Variants in IGDCC4 observed in about 807,000 individuals in gnomAD.
IGDCC4 encodes likely ortholog of mouse neighbor of Punc E11.
IGDCC4 carries 72 observed loss-of-function variants against 116.6 expected under a neutral mutation model. That is an observed-to-expected ratio of 0.62 (90% CI 0.51 to 0.75). IGDCC4 has a LOEUF of 0.75. IGDCC4 is among the 30% of genes least tolerant of loss of function. The pLI is 0.00. For synonymous variants in IGDCC4, 709 were observed against 719.9 expected (o/e 0.98, Z 0.24); for missense variants, 1,501 against 1,662.4 (o/e 0.90, Z 1.69).
rs372076866 is a variant in IGDCC4, at chr15:65,410,304, G to C, written c.437C>G (p.Ser146Cys). The C allele has an allele frequency of 1.2e-5, 20 of 1,613,942 alleles. No individual in the cohort carries two copies. The African/African-American group carries it at 2.3e-4, about 18-fold the overall frequency. The change falls in exon 3 of 20, where the codon TCT becomes TGT. Residue 146 changes from serine (S) to cysteine (C), a missense_variant. Ser to Cys is a moderately radical substitution (Grantham distance 112, BLOSUM62 -1). This residue lies in a region of IGDCC4 where 898 missense variants were observed against 978.9 expected (regional missense o/e 0.92). Transcript: ENST00000352385. ...VVKLATLADF[S>C]LHPESQTVEE... ...CACCGTCTGAGACTCCGGGTGCAGAGAGAAGTCTGCGAGTGCTGGGGACAG... is the reference window on the plus strand; with the variant it reads ...CACCGTCTGAGACTCCGGGTGCAGACAGAAGTCTGCGAGTGCTGGGGACAG...
At chr15:65,388,338 C>T (rs2091480564) in intron 16 of IGDCC4, 111 bp downstream of exon 16, 14 of 1,441,090 alleles carry the variant, frequency 9.7e-6, no homozygotes, top group Non-Finnish European at 1.3e-5. Context: ...ATTTGCTCTG[C>T]CCCCACCAAA....
chr15:65,402,597 A>ATG (rs2062999395), intron 3 of IGDCC4, 110 bp from the exon 4 acceptor site: 14 of 1,383,896 alleles, frequency 1.0e-5, no homozygotes, highest in South Asian at 9.9e-5. Context: ...GGCTGGGCGC[A>ATG]GTGGCTCACG....
intron 3 of IGDCC4, among the ~76,000 whole-genome samples, chr15:65,406,397 C>G (rs531849154): frequency 2.3e-4 from 35 of 152,306 alleles, no homozygotes; most frequent in South Asian, 6.2e-4. Flanking sequence ...AAACATTGCT[C>G]TCATTGATTA....
At chr15:65,420,691 A>G (rs1216728970) in intron 1 of IGDCC4, among the ~76,000 whole-genome samples, 2 of 151,612 alleles carry the variant, frequency 1.3e-5, no homozygotes, top group African/African-American at 4.9e-5. Context: ...TAATCCAATG[A>G]TCTCAACTAA....
Position 65,411,228 on chromosome 15 carries a change from G to A in IGDCC4, c.213C>T (p.Thr71=). ...GCAGGGTGTCCCCATCCTTGCTCCA[G>A]GTCACCCTGGTGGGGGGTCCAGCGG... The part of the protein sequence containing the change: ...AAAAGPPTRV[T]WSKDGDTLLE... Residue 71 remains threonine (T), a synonymous_variant, in exon 2 of 20, where the codon ACC becomes ACT. Transcript: ENST00000352385. The A allele has an allele frequency of 6.2e-7, 1 of 1,614,182 alleles. No individual in the cohort carries two copies. Among genetic ancestry groups the A allele is most frequent in the Non-Finnish European group, 8.5e-7 (1 of 1,180,026 alleles).
Position 65,392,340 on chromosome 15 carries a change from T to A in IGDCC4, c.1916A>T (p.Gln639Leu), listed in dbSNP as rs377358616. 8 of 1,561,090 alleles carry A rather than the reference T, an allele frequency of 5.1e-6. No individual in the cohort carries two copies. The highest frequency in any genetic ancestry group is 7.0e-6 in the Non-Finnish European group (8 of 1,150,268). ...CACGACCAGGGACTCCATCTTTGCC[T>A]GCACCTTCAACTCTGCAGGGGCAAA... ...VPFAPAELKV[Q>L]AKMESLVVSW... is the part of the protein sequence containing the mutation. Residue 639 changes from glutamine (Q) to leucine (L), a missense_variant, in exon 11 of 20, where the codon CAG (glutamine) becomes CTG (leucine). Coordinates refer to ENST00000352385, the MANE Select transcript of IGDCC4 (RefSeq NM_020962.3).
chr15:65,398,949 T>A (rs1372872821), intron 5 of IGDCC4, among the ~76,000 whole-genome samples: 1 of 152,148 alleles, frequency 6.6e-6, no homozygotes, highest in African/African-American at 2.4e-5. Flanking sequence ...CCTGACTTAG[T>A]GGAGTAAGTT....
chr15:65,385,816 G>T lies in IGDCC4; in HGVS notation c.3180+15C>A. On this transcript the variant is annotated intron_variant, in intron 18 of 19. Coordinates refer to ENST00000352385, the MANE Select transcript of IGDCC4 (RefSeq NM_020962.3). ...CCTATTTAGAAAAGAGCCGCAATGTGGGGCTCTGACTTACCTTTCTTTTGG... is the reference window on the plus strand; with the variant it reads ...CCTATTTAGAAAAGAGCCGCAATGTTGGGCTCTGACTTACCTTTCTTTTGG... The T allele has an allele frequency of 6.3e-7, 1 of 1,598,884 alleles. No homozygotes were observed. Among genetic ancestry groups the T allele is most frequent in the South Asian group, 1.1e-5 (1 of 90,736 alleles).
In IGDCC4 at chr15:65,395,733, G is replaced by T; in HGVS notation, c.1411+17C>A. 1.4e-6 allele frequency: 2 copies of T among 1,425,960 alleles called. No homozygotes were observed. The highest frequency in any genetic ancestry group is 1.8e-6 in the Non-Finnish European group (2 of 1,084,466). The allele number at this position is 1,425,960 out of a possible 1,614,324, so 88.3% of individuals were successfully genotyped here. ...GCCCGGGCCTGCGCTGGTGCATCCC[G>T]CCCCAGGCCGACGTACCCCGTGCCT... On this transcript the variant is annotated intron_variant, in intron 7 of 19. Coordinates refer to ENST00000352385, the MANE Select transcript of IGDCC4 (RefSeq NM_020962.3).
intron 3 of IGDCC4, among the ~76,000 whole-genome samples, chr15:65,405,856 G>T (rs1300025995): frequency 2.0e-5 from 3 of 152,174 alleles, no homozygotes; most frequent in Non-Finnish European, 2.9e-5. Context: ...TCTTTTTCCA[G>T]CCTCAAACCT....
rs530608258 is a variant in IGDCC4 at position 65,382,960 on chromosome 15, A to C, written c.*1049T>G. 1 of 152,244 alleles carries C rather than the reference A, an allele frequency of 6.6e-6. No individual in the cohort carries two copies. The highest frequency in any genetic ancestry group is 1.5e-5 in the Non-Finnish European group (1 of 68,056). The allele number at this position is 152,244 out of a possible 1,614,324, so 9.4% of individuals were successfully genotyped here. Reference sequence around the variant, plus strand: ...TCCCCTCTATGACTTGGATCCATCCATGGAGAACCCTTGGATCCCAATCCC... The same window carrying C: ...TCCCCTCTATGACTTGGATCCATCCCTGGAGAACCCTTGGATCCCAATCCC... On this transcript the variant is annotated 3_prime_UTR_variant, in exon 20 of 20. Coordinates refer to ENST00000352385, the MANE Select transcript of IGDCC4 (RefSeq NM_020962.3).
At chr15:65,422,679 C>T (rs2063204358) in intron 1 of IGDCC4, 114 bp downstream of exon 1, 2 of 847,132 alleles carry the variant, frequency 2.4e-6, no homozygotes, top group Admixed American at 5.0e-5. Context: ...ACGCGCAGCC[C>T]CCGCACTTGC....
intron 14 of IGDCC4, 143 bp from the exon 15 acceptor site, chr15:65,389,121 C>G (rs2140194011): frequency 8.7e-7 from 1 of 1,144,016 alleles, no homozygotes; most frequent in Non-Finnish European, 1.2e-6. Context: ...TTCTAGAAAA[C>G]AGTATGTGTG....
chr15:65,386,610 G>A lies in IGDCC4; in HGVS notation c.2892C>T (p.Cys964=). 2 of 1,612,464 alleles carry A rather than the reference G, an allele frequency of 1.2e-6. No individual in the cohort carries two copies. The highest frequency in any genetic ancestry group is 2.2e-5 in the East Asian group (1 of 44,862). ...HSVTGIIVGV[C]LGLLCLLACM... ...AGGCCAGGAGGCAGAGGAGGCCCAG[G>A]CAGACACCCACGATGATGCCCGTGA... is the stretch of plus-strand genomic sequence containing the variant. Residue 964 remains cysteine (C), a synonymous_variant, in exon 17 of 20, where the codon TGC becomes TGT. Transcript: ENST00000352385.
At chr15:65,418,377 T>C (rs957864387) in intron 1 of IGDCC4, among the ~76,000 whole-genome samples, 1 of 152,186 alleles carries the variant, frequency 6.6e-6, no homozygotes, top group African/African-American at 2.4e-5. Context: ...CCCAGTACTT[T>C]CTGCTCACTG....
At chr15:65,410,462 G>A in intron 2 of IGDCC4, 143 bp from the exon 3 acceptor site, 1 of 937,052 alleles carries the variant, frequency 1.1e-6, no homozygotes. Context: ...TCAGACCGAG[G>A]GAGACACAAC....
rs747524573 is a variant in IGDCC4 at position 65,384,231 on chromosome 15, T to C, written c.3531A>G (p.Ala1177=). 9.4e-6 allele frequency: 15 copies of C among 1,599,156 alleles called. No homozygotes were observed. Among genetic ancestry groups the C allele is most frequent in the Non-Finnish European group, 1.3e-5 (15 of 1,169,436 alleles). ...ISGVGDPGQG[A]AWLDRELGGC... ...CTCCCAACTCCCTGTCCAGCCAGGCTGCCCCCTGCCCTGGATCCCCAACAC... is the reference window on the plus strand; with the variant it reads ...CTCCCAACTCCCTGTCCAGCCAGGCCGCCCCCTGCCCTGGATCCCCAACAC... The change falls in exon 20 of 20, where the codon GCA becomes GCG. Residue 1177 remains alanine, a synonymous_variant. Transcript: ENST00000352385. The surrounding 1 kb of genome is among the most constrained non-coding windows in gnomAD (Gnocchi z 4.9).
chr15:65,386,548 C>T lies in IGDCC4; in HGVS notation c.2951+3G>A. 6.3e-7 allele frequency: 1 copy of T among 1,594,866 alleles called. No individual in the cohort carries two copies. The highest frequency in any genetic ancestry group is 2.3e-5 in the East Asian group (1 of 44,370). On this transcript the variant is annotated splice_donor_region_variant and intron_variant, in intron 17 of 19. Transcript: ENST00000352385. ...CTGAAGTCAGACTGGCTCCCCTGCT[C>T]ACCTGTGGGGGCTGCGGCGCAGGCC...
In IGDCC4 at chr15:65,382,376, C is replaced by T. The variant is rs2091408451; in HGVS notation, c.*1633G>A. On this transcript the variant is annotated 3_prime_UTR_variant, in exon 20 of 20. Transcript: ENST00000352385. ...AGATGCTTTCAGGGTTTGAGGAAGC[C>T]GCAACTGTGCTGAGAGACATTCCAC... 1.3e-5 allele frequency: 2 copies of T among 149,062 alleles called. No homozygotes were observed. Among genetic ancestry groups the T allele is most frequent in the African/African-American group, 2.5e-5 (1 of 40,050 alleles). 9.2% of individuals were successfully genotyped at this position (149,062 alleles called of 1,614,324 possible).
Sources: allele counts gnomAD v4.1 joint callset (sites outside exome capture counted in the v4.1 genomes callset), GRCh38; gene constraint gnomAD v4.1.1; regional missense constraint gnomAD v4.1.1; non-coding constraint Gnocchi (gnomAD v3.1); transcripts MANE v1.5; gene names NCBI Gene and HGNC (gene_info 2026-07-23, HGNC 2026-07-21).